KCNMB2: variants seen among roughly 807,000 people sequenced by gnomAD.
The protein encoded by KCNMB2 is potassium calcium-activated channel subfamily M regulatory beta subunit 2.
Under a neutral mutation model 24.5 loss-of-function variants are expected in KCNMB2, and 9 were observed. That is an observed-to-expected ratio of 0.37 (90% confidence interval 0.22 to 0.64). KCNMB2 has a LOEUF of 0.64. Among genes scored for constraint, KCNMB2 ranks in the 30% least tolerant of loss-of-function variants. The probability of loss-of-function intolerance (pLI) is 0.63; values close to 1 mark genes in which losing one functional copy is unlikely to be tolerated. For synonymous variants in KCNMB2, 109 were observed against 104.4 expected (o/e 1.04, Z -0.27); for missense variants, 226 against 284.3 (o/e 0.79, Z 1.47).
At chr3:178,783,072 T>C (rs1577184454) in intron 1 of KCNMB2, among the ~76,000 whole-genome samples, 1 of 150,956 alleles carries the variant, frequency 6.6e-6, no homozygotes, top group Admixed American at 6.6e-5. Context: ...TGCTTGTTTT[T>C]CTCAGGTTTG....
At chr3:178,735,333 GC>G (rs11356020) in intron 1 of KCNMB2, among the ~76,000 whole-genome samples, 73,727 of 152,024 alleles carry the variant, frequency 0.48, 18,342 homozygotes, top group African/African-American at 0.61. Context: ...ACTCCAGGGT[GC>G]CAAGAAAGGC....
At chr3:178,656,945 T>A (rs1009603166) in intron 1 of KCNMB2, among the ~76,000 whole-genome samples, 13 of 151,988 alleles carry the variant, frequency 8.6e-5, no homozygotes, top group African/African-American at 3.1e-4. Flanking sequence ...AAAGAAAAAA[T>A]TCACTCAGTC....
At chr3:178,612,374 G>T (rs1718511485) in intron 1 of KCNMB2, among the ~76,000 whole-genome samples, 1 of 151,966 alleles carries the variant, frequency 6.6e-6, no homozygotes, top group Non-Finnish European at 1.5e-5. Context: ...ATTATATTGG[G>T]GCCTATTTCT....
intron 1 of KCNMB2, among the ~76,000 whole-genome samples, chr3:178,638,713 T>A (rs974387427): frequency 3.9e-5 from 6 of 152,176 alleles, no homozygotes; most frequent in Non-Finnish European, 1.5e-5. Flanking sequence ...GAGACAGATA[T>A]GAAAGAAATT....
intron 1 of KCNMB2, among the ~76,000 whole-genome samples, chr3:178,542,740 A>C (rs1322042104): frequency 1.3e-5 from 2 of 152,218 alleles, no homozygotes; most frequent in Non-Finnish European, 2.9e-5. Context: ...AAGTACACTC[A>C]AACTCCCAGG....
intron 1 of KCNMB2, among the ~76,000 whole-genome samples, chr3:178,542,144 T>C (rs1244933757): frequency 6.6e-6 from 1 of 152,228 alleles, no homozygotes; most frequent in Non-Finnish European, 1.5e-5. Context: ...CATCCTTCTA[T>C]AGAAGTAACT....
At chr3:178,677,928 C>T (rs549846585) in intron 1 of KCNMB2, among the ~76,000 whole-genome samples, 147 of 152,272 alleles carry the variant, frequency 9.7e-4, no homozygotes, top group Non-Finnish European at 1.4e-3. Flanking sequence ...ATGACCCATG[C>T]TCACTTTGGG....
intron 1 of KCNMB2, among the ~76,000 whole-genome samples, chr3:178,548,926 C>A (rs1308626291): frequency 1.3e-5 from 2 of 152,230 alleles, no homozygotes; most frequent in East Asian, 3.9e-4. Flanking sequence ...TGTCCTTGGG[C>A]AAATAATTGA....
chr3:178,655,303 G>T (rs1357077840), intron 1 of KCNMB2, among the ~76,000 whole-genome samples: 1 of 152,094 alleles, frequency 6.6e-6, no homozygotes, highest in Non-Finnish European at 1.5e-5. Flanking sequence ...GTTAGTAAGA[G>T]TTTACCCAAA....
intron 1 of KCNMB2, among the ~76,000 whole-genome samples, chr3:178,737,180 G>A (rs1723345623): frequency 2.0e-5 from 3 of 152,098 alleles, no homozygotes; most frequent in Non-Finnish European, 2.9e-5. Flanking sequence ...TGAAGCAAGA[G>A]AATCACTGGA....
chr3:178,541,026 C>T (rs1423722421), intron 1 of KCNMB2, among the ~76,000 whole-genome samples: 1 of 152,160 alleles, frequency 6.6e-6, no homozygotes, highest in African/African-American at 2.4e-5. Flanking sequence ...TCATCAAAAT[C>T]CATTAGTAGC....
At chr3:178,538,110 C>T (rs1715468807) in intron 1 of KCNMB2, among the ~76,000 whole-genome samples, 1 of 152,126 alleles carries the variant, frequency 6.6e-6, no homozygotes, top group South Asian at 2.1e-4. Context: ...ATACTGTAAT[C>T]CACATACAAA....
intron 1 of KCNMB2, among the ~76,000 whole-genome samples, chr3:178,598,301 C>T (rs765907818): frequency 2.0e-4 from 30 of 152,100 alleles, no homozygotes; most frequent in South Asian, 6.2e-4. Context: ...CACTTTTCTG[C>T]GATGCAAATT....
intron 1 of KCNMB2, among the ~76,000 whole-genome samples, chr3:178,784,753 A>C (rs184535528): frequency 2.2e-4 from 33 of 151,878 alleles, no homozygotes; most frequent in Admixed American, 2.0e-3. Flanking sequence ...TCCTTCAATG[A>C]GTGAGAGTAG....
intron 1 of KCNMB2, among the ~76,000 whole-genome samples, chr3:178,577,018 T>A (rs2108484428): frequency 6.6e-6 from 1 of 152,276 alleles, no homozygotes; most frequent in Admixed American, 6.5e-5. Flanking sequence ...CCTCCTCAAG[T>A]GGGTCCCTGA....
intron 1 of KCNMB2, among the ~76,000 whole-genome samples, chr3:178,686,391 T>C (rs1001616737): frequency 6.6e-6 from 1 of 152,176 alleles, no homozygotes; most frequent in Non-Finnish European, 1.5e-5. Flanking sequence ...CTATTGGTAA[T>C]AAACTGGAAG....
At chr3:178,564,409 G>A (rs1577013430) in intron 1 of KCNMB2, among the ~76,000 whole-genome samples, 2 of 152,160 alleles carry the variant, frequency 1.3e-5, no homozygotes, top group East Asian at 3.9e-4. Flanking sequence ...ATGTAGGTCT[G>A]AATATCATAG....
intron 1 of KCNMB2, among the ~76,000 whole-genome samples, chr3:178,777,221 G>A (rs1461443936): frequency 6.6e-6 from 1 of 152,112 alleles, no homozygotes. Flanking sequence ...AGATCACAAG[G>A]TCAGGAGTTC....
At chr3:178,712,643 A>G (rs1722491546) in intron 1 of KCNMB2, among the ~76,000 whole-genome samples, 1 of 152,132 alleles carries the variant, frequency 6.6e-6, no homozygotes, top group African/African-American at 2.4e-5. Flanking sequence ...TGCTGCTTTT[A>G]TTATCTTCAC....
Sources: gnomAD v4.1 joint callset for allele counts (sites outside exome capture counted in the v4.1 genomes callset) on GRCh38, gnomAD v4.1.1 for gene constraint, MANE v1.5 for transcripts, NCBI Gene and HGNC (gene_info 2026-07-23, HGNC 2026-07-21) for gene names.